The following PLEKHA2 variants were observed in gnomAD, a reference collection of about 807,000 sequenced individuals.
The protein encoded by PLEKHA2 is pleckstrin homology domain-containing family A member 2.
A neutral mutation model predicts 53.2 loss-of-function variants in PLEKHA2; 28 were observed. The observed-to-expected ratio is 0.53, with a 90% CI of 0.39 to 0.72. The LOEUF (loss-of-function observed/expected upper bound fraction) is 0.72. Among genes scored for constraint, PLEKHA2 ranks in the 30% least tolerant of loss-of-function variants. The pLI is 0.00. For synonymous variants in PLEKHA2, 193 were observed against 196.4 expected (o/e 0.98, Z 0.14); for missense variants, 426 against 537.9 (o/e 0.79, Z 2.06).
Position 38,956,768 on chromosome 8 carries a change from G to A in PLEKHA2, c.774-555G>A, listed in dbSNP as rs568403168. Among the ~76,000 whole-genome samples, 20 of 152,240 alleles carry A rather than the reference G, an allele frequency of 1.3e-4. No homozygotes were observed. The East Asian group carries it at 3.3e-3, about 25-fold the overall frequency. ...CAAAAAAATAAATAAATAAAGCAGA[G>A]ACTCTGGAGTCAGACCTAGGTTCCA... is the stretch of plus-strand genomic sequence containing the variant. On this transcript the variant is annotated intron_variant, in intron 9 of 11. Coordinates refer to ENST00000617275, the MANE Select transcript of PLEKHA2 (RefSeq NM_021623.2).
At chr8:38,905,188 G>A (rs1055785850) in intron 1 of PLEKHA2, among the ~76,000 whole-genome samples, 4 of 152,082 alleles carry the variant, frequency 2.6e-5, no homozygotes, top group Non-Finnish European at 4.4e-5. Flanking sequence ...TGGATGCCGT[G>A]GCTCATCTCT....
At chr8:38,948,748 T>C (rs1474775984) in intron 5 of PLEKHA2, among the ~76,000 whole-genome samples, 1 of 152,206 alleles carries the variant, frequency 6.6e-6, no homozygotes, top group Non-Finnish European at 1.5e-5. Context: ...TTAGCTTTTC[T>C]CTCGAAGTCC....
At chr8:38,966,673 G>A (rs925697825) in intron 10 of PLEKHA2, among the ~76,000 whole-genome samples, 3 of 152,182 alleles carry the variant, frequency 2.0e-5, no homozygotes. Flanking sequence ...TTTATAGGTT[G>A]TTTCTGGGAG....
At chr8:38,955,282 T>G (rs1279085059) in intron 9 of PLEKHA2, among the ~76,000 whole-genome samples, 10 of 152,170 alleles carry the variant, frequency 6.6e-5, no homozygotes, top group Non-Finnish European at 1.0e-4. Flanking sequence ...TTTCACCTCC[T>G]CAATAGTTGT....
intron 2 of PLEKHA2, among the ~76,000 whole-genome samples, chr8:38,927,688 TG>T (rs1462228726): frequency 6.6e-6 from 1 of 152,232 alleles, no homozygotes; most frequent in Non-Finnish European, 1.5e-5. Context: ...ATCCATTTTT[TG>T]AGCCTCCTGT....
intron 9 of PLEKHA2, 84 bp downstream of exon 9, chr8:38,953,451 T>C: frequency 2.4e-6 from 3 of 1,271,872 alleles, no homozygotes; most frequent in Admixed American, 3.5e-5. Flanking sequence ...AGAGACTCTA[T>C]GCAAGAGTCA....
Position 38,922,771 on chromosome 8 carries a change from A to G in PLEKHA2, c.141+4701A>G, listed in dbSNP as rs908467230. Among the ~76,000 whole-genome samples the G allele has an allele frequency of 6.6e-6, 1 of 152,174 alleles. No homozygotes were observed. The highest frequency in any genetic ancestry group is 2.4e-5 in the African/African-American group (1 of 41,424). The stretch of plus-strand genomic sequence containing the variant: ...ACTAAGTGGTTGCCATGTACCAGCT[A>G]TGGTGTGAAATGCTTTTACATGTGT... On this transcript the variant is annotated intron_variant, in intron 2 of 11. Coordinates refer to ENST00000617275, the MANE Select transcript of PLEKHA2 (RefSeq NM_021623.2). This position sits in a 1 kb window ranked among gnomAD's most constrained non-coding sequence, Gnocchi z 4.0.
At chr8:38,908,306 G>A (rs1250250699) in intron 1 of PLEKHA2, among the ~76,000 whole-genome samples, 1 of 152,228 alleles carries the variant, frequency 6.6e-6, no homozygotes, top group Non-Finnish European at 1.5e-5. Flanking sequence ...AAACAGCTTG[G>A]AGGGTGCTAA....
intron 3 of PLEKHA2, among the ~76,000 whole-genome samples, chr8:38,940,651 G>A (rs1400681929): frequency 8.1e-5 from 1 of 12,326 alleles, no homozygotes; most frequent in East Asian, 1.2e-3. Flanking sequence ...TTGAAGGGGC[G>A]GGGGGGGGGG....
intron 2 of PLEKHA2, among the ~76,000 whole-genome samples, chr8:38,927,983 A>G (rs760711994): frequency 1.8e-4 from 27 of 151,742 alleles, no homozygotes; most frequent in Non-Finnish European, 1.5e-4. Flanking sequence ...ATGAGGGAAG[A>G]ATGTTTGAAA....
intron 3 of PLEKHA2, 93 bp from the exon 4 acceptor site, chr8:38,943,696 A>G (rs1218164363): frequency 8.5e-6 from 8 of 935,934 alleles, no homozygotes; most frequent in Admixed American, 3.0e-5. Flanking sequence ...CATATGTTTA[A>G]TGTACTCTTT....
chr8:38,952,169 G>T lies in PLEKHA2; in HGVS notation c.490G>T (p.Gly164Cys). 14 of 1,612,560 alleles carry T rather than the reference G, an allele frequency of 8.7e-6. No homozygotes were observed. The highest frequency in any genetic ancestry group is 1.2e-5 in the Non-Finnish European group (14 of 1,179,356). ...VVVHTPISQN[G>C]GDGQEGSEPG... ...TACTGACACTGTTTCCTTGCAGAAC[G>T]GTGGGGATGGGCAGGAAGGGAGTGA... The change falls in exon 7 of 12, where the codon GGT becomes TGT. Residue 164 changes from glycine to cysteine, a missense_variant. Gly to Cys is a radical substitution (Grantham distance 159). Transcript: ENST00000617275.
intron 2 of PLEKHA2, among the ~76,000 whole-genome samples, chr8:38,933,035 G>A: frequency 6.6e-6 from 1 of 152,180 alleles, no homozygotes; most frequent in Non-Finnish European, 1.5e-5. Context: ...GGGGCAGAGG[G>A]GATGAAGTAG....
intron 9 of PLEKHA2, among the ~76,000 whole-genome samples, chr8:38,954,774 T>C (rs1834907665): frequency 1.3e-5 from 2 of 152,266 alleles, no homozygotes; most frequent in South Asian, 4.1e-4. Flanking sequence ...ACACCTGTAA[T>C]CCAATCCCAG....
chr8:38,958,819 C>G (rs910353837), intron 10 of PLEKHA2, among the ~76,000 whole-genome samples: 1 of 152,094 alleles, frequency 6.6e-6, no homozygotes, highest in Non-Finnish European at 1.5e-5. Flanking sequence ...CTGGGGACAC[C>G]AGGTTAAACA....
At chr8:38,914,261 C>T (rs546148603) in intron 1 of PLEKHA2, among the ~76,000 whole-genome samples, 74 of 152,380 alleles carry the variant, frequency 4.9e-4, no homozygotes, top group African/African-American at 1.6e-3. Flanking sequence ...AAGGGATTCA[C>T]CAGTCACTGG....
chr8:38,957,997 G>C (rs1192962295), intron 10 of PLEKHA2, among the ~76,000 whole-genome samples: 1 of 152,154 alleles, frequency 6.6e-6, no homozygotes, highest in Non-Finnish European at 1.5e-5. Flanking sequence ...GCCTTGATTC[G>C]CAGCCCCGTG....
intron 1 of PLEKHA2, among the ~76,000 whole-genome samples, chr8:38,905,500 T>C (rs1784132519): frequency 6.6e-6 from 1 of 151,208 alleles, no homozygotes; most frequent in Non-Finnish European, 1.5e-5. Flanking sequence ...CTGATTATTG[T>C]CACCTGCACA....
intron 2 of PLEKHA2, among the ~76,000 whole-genome samples, chr8:38,931,585 G>T (rs926262664): frequency 6.6e-6 from 1 of 152,188 alleles, no homozygotes. Context: ...GAGATGTCAC[G>T]AGAAAACGTT....
Sources: allele counts gnomAD v4.1 joint callset (sites outside exome capture counted in the v4.1 genomes callset), GRCh38; gene constraint gnomAD v4.1.1; non-coding constraint Gnocchi (gnomAD v3.1); transcripts MANE v1.5; gene names NCBI Gene and HGNC (gene_info 2026-07-23, HGNC 2026-07-21).